Variants in LRRK2 observed in about 807,000 individuals in gnomAD.
The protein encoded by LRRK2 is leucine-rich repeat serine/threonine-protein kinase 2.
In LRRK2, 203 loss-of-function variants were observed where a neutral mutation model predicts 302.6. The observed-to-expected ratio is 0.67, with a 90% CI of 0.60 to 0.75. LRRK2 has a LOEUF of 0.75. Ranked by LOEUF, LRRK2 falls within the 30% of genes least tolerant of loss-of-function variation. LRRK2 has a pLI of 0.00. For missense variants in LRRK2, 2,830 were observed against 2,951.0 expected, an observed-to-expected ratio of 0.96 and a Z score of 0.95; for synonymous variants, 1,066 against 1,031.9, an observed-to-expected ratio of 1.03 and a Z score of -0.63.
intron 28 of LRRK2, among the ~76,000 whole-genome samples, chr12:40,308,137 G>T (rs963872122): frequency 3.9e-5 from 6 of 152,066 alleles, no homozygotes; most frequent in Non-Finnish European, 7.4e-5. Context: ...ATACATGTAT[G>T]TATATGTGTG....
intron 28 of LRRK2, 57 bp downstream of exon 28, chr12:40,306,023 C>T: frequency 7.4e-7 from 1 of 1,350,624 alleles, no homozygotes; most frequent in Non-Finnish European, 1.0e-6. Flanking sequence ...TTTCTACTCT[C>T]TGTGACTTTG....
intron 50 of LRRK2, 51 bp from the exon 51 acceptor site, chr12:40,367,593 A>G: frequency 6.4e-7 from 1 of 1,560,392 alleles, no homozygotes; most frequent in South Asian, 1.2e-5. Flanking sequence ...TAAAATAAGA[A>G]TGTTTTATGA....
At chr12:40,304,690 A>G (rs1026074634) in intron 27 of LRRK2, 2 of 152,488 alleles carry the variant, frequency 1.3e-5, no homozygotes, top group African/African-American at 4.8e-5. Context: ...AGAGTGTTCT[A>G]TGGAATAGTA....
chr12:40,312,527 G>C (rs941811586), intron 31 of LRRK2, among the ~76,000 whole-genome samples: 3 of 151,994 alleles, frequency 2.0e-5, no homozygotes, highest in African/African-American at 7.2e-5. Context: ...ATTTGCCTTT[G>C]ATCTTAGCTC....
intron 24 of LRRK2, 44 bp downstream of exon 24, chr12:40,298,537 C>T: frequency 6.2e-7 from 1 of 1,606,114 alleles, no homozygotes; most frequent in Non-Finnish European, 8.5e-7. Flanking sequence ...CCTAAATATG[C>T]TGATGTTAAC....
chr12:40,368,633 A>T lies in LRRK2; in HGVS notation c.*868A>T, dbSNP rs1400889955. 1.3e-5 allele frequency: 2 copies of T among 151,384 alleles called. No individual in the cohort carries two copies. Among genetic ancestry groups the T allele is most frequent in the Admixed American group, 6.6e-5 (1 of 15,134 alleles). The allele number at this position is 151,384 out of a possible 1,614,324, so 9.4% of individuals were successfully genotyped here. A position where few individuals can be genotyped will look rare whatever the true frequency, so the allele number is the denominator to read the frequency against. On this transcript the variant is annotated 3_prime_UTR_variant, in exon 51 of 51. Transcript: ENST00000298910. ...TAATCTGCTTCATTCTAATGCTTAT[A>T]TTCATCTTTTCCCTAAATTTGTGAT... is the stretch of plus-strand genomic sequence containing the variant.
intron 14 of LRRK2, among the ~76,000 whole-genome samples, chr12:40,268,474 G>T (rs557520074): frequency 1.3e-5 from 2 of 152,220 alleles, no homozygotes; most frequent in Non-Finnish European, 2.9e-5. Context: ...AGGTTTACAG[G>T]ATGAATATAC....
At chr12:40,325,934 C>G (rs1368678078) in intron 38 of LRRK2, among the ~76,000 whole-genome samples, 1 of 152,104 alleles carries the variant, frequency 6.6e-6, no homozygotes, top group African/African-American at 2.4e-5. Flanking sequence ...GGTACATTTC[C>G]TCTTTGTGGA....
chr12:40,311,340 A>G (rs537180186), intron 31 of LRRK2, among the ~76,000 whole-genome samples: 35 of 85,502 alleles, frequency 4.1e-4, no homozygotes, highest in African/African-American at 1.5e-3. Flanking sequence ...GTTATCAGAG[A>G]GAACACTTTT....
chr12:40,354,031 A>G (rs1170749435), intron 44 of LRRK2, among the ~76,000 whole-genome samples: 1 of 152,176 alleles, frequency 6.6e-6, no homozygotes, highest in African/African-American at 2.4e-5. Context: ...GAGGGAGAGG[A>G]ACAATCTTCT....
chr12:40,237,833 A>G, intron 4 of LRRK2, 136 bp from the exon 5 acceptor site: 1 of 921,154 alleles, frequency 1.1e-6, no homozygotes. Flanking sequence ...CAACAAACAA[A>G]CAAACAAACA....
At chr12:40,265,276 C>T (rs572472346) in intron 14 of LRRK2, among the ~76,000 whole-genome samples, 148 of 152,300 alleles carry the variant, frequency 9.7e-4, no homozygotes, top group Non-Finnish European at 1.4e-3. Flanking sequence ...GTACTCTTCT[C>T]TCCTGAATCT....
chr12:40,257,218 A>G, intron 11 of LRRK2, 30 bp from the exon 12 acceptor site: 1 of 1,444,420 alleles, frequency 6.9e-7, no homozygotes, highest in Non-Finnish European at 9.7e-7. Context: ...ATGCTTTCAT[A>G]TCTATAAGTA....
intron 19 of LRRK2, among the ~76,000 whole-genome samples, chr12:40,285,969 T>G (rs1565713169): frequency 6.6e-6 from 1 of 152,068 alleles, no homozygotes; most frequent in East Asian, 1.9e-4. Flanking sequence ...CATGGTTAGA[T>G]CCCATGTTTC....
At chr12:40,242,804 C>A (rs866591727) in intron 6 of LRRK2, among the ~76,000 whole-genome samples, 9 of 20,028 alleles carry the variant, frequency 4.5e-4, no homozygotes, top group East Asian at 2.0e-3. Flanking sequence ...TTCTCCACAT[C>A]AAAAAAAAAA....
In LRRK2 at chr12:40,257,328, GAAGTGGCTGA is replaced by G. The variant is rs1429161625; in HGVS notation, c.1379_1388del (p.Glu460ValfsTer4). On this transcript the variant is annotated frameshift_variant, in exon 12 of 51. Coordinates refer to ENST00000298910, the MANE Select transcript of LRRK2 (RefSeq NM_198578.4). LOFTEE classifies it high-confidence loss of function. ...AATGCAGAAGCATATACATTCTCCT[GAAGTGGCTGA>G]AAGTGGCTGTAAAATGCTAAATCAT... 1.9e-6 allele frequency: 3 copies of G among 1,612,588 alleles called. No individual in the cohort carries two copies. The highest frequency in any genetic ancestry group is 2.5e-6 in the Non-Finnish European group (3 of 1,179,036).
rs1399229007 is a variant in LRRK2, at chr12:40,325,300, C to CA, written c.5656+2000dup. On this transcript the variant is annotated intron_variant, in intron 38 of 50. Transcript: ENST00000298910. The stretch of plus-strand genomic sequence containing the variant: ...TCTCAAAACAAAACAAAACAAAAAA[C>CA]AAAAAAGCAAAGTCTGTTTAGCTAC... 5.9e-5 allele frequency among the ~76,000 whole-genome samples: 9 copies of CA among 152,110 alleles called. No homozygotes were observed. In the East Asian group the frequency reaches 1.4e-3, roughly 23 times the overall value.
chr12:40,353,719 C>T (rs1222364191), intron 44 of LRRK2, among the ~76,000 whole-genome samples: 4 of 152,360 alleles, frequency 2.6e-5, no homozygotes, highest in East Asian at 1.9e-4. Flanking sequence ...AACGAGACTC[C>T]GTCTGCAATC....
At chr12:40,270,925 A>G (rs1012530608) in intron 14 of LRRK2, among the ~76,000 whole-genome samples, 3 of 152,014 alleles carry the variant, frequency 2.0e-5, no homozygotes, top group African/African-American at 7.2e-5. Flanking sequence ...GTAGAACTGG[A>G]TATACTTACT....
Sources: allele counts gnomAD v4.1 joint callset (sites outside exome capture counted in the v4.1 genomes callset), GRCh38; gene constraint gnomAD v4.1.1; transcripts MANE v1.5; gene names NCBI Gene and HGNC (gene_info 2026-07-23, HGNC 2026-07-21).